Variants in SH3RF3 observed in about 807,000 individuals in gnomAD.
The protein encoded by SH3RF3 is SH3 domain containing ring finger 3.
A neutral mutation model predicts 66.3 loss-of-function variants in SH3RF3; 29 were observed. The observed-to-expected ratio is 0.44, with a 90% CI of 0.33 to 0.60. The LOEUF (loss-of-function observed/expected upper bound fraction) is 0.60, where lower values mean the gene tolerates loss of function less well. Ranked by LOEUF, SH3RF3 falls within the 20% of genes least tolerant of loss-of-function variation. The probability of loss-of-function intolerance (pLI) is 0.04; values close to 1 mark genes in which losing one functional copy is unlikely to be tolerated. For synonymous variants in SH3RF3, 583 were observed against 532.0 expected, an observed-to-expected ratio of 1.10 and a Z score of -1.32; for missense variants, 1,194 against 1,190.9, an observed-to-expected ratio of 1.00 and a Z score of -0.04.
Position 109,504,209 on chromosome 2 carries a change from C to T in SH3RF3, c.*2538C>T, listed in dbSNP as rs956201886. ...GTTTGGCGGTTAAGATGAAACTAAC[C>T]CTTATGTTTCATCCTGGCCCCATGA... On this transcript the variant is annotated 3_prime_UTR_variant, in exon 10 of 10. Transcript: ENST00000309415. 6.6e-6 allele frequency: 1 copy of T among 152,216 alleles called. No individual in the cohort carries two copies. Among genetic ancestry groups the T allele is most frequent in the Non-Finnish European group, 1.5e-5 (1 of 68,044 alleles). The allele number at this position is 152,216 out of a possible 1,614,324, so 9.4% of individuals were successfully genotyped here.
chr2:109,445,784 C>G (rs13411394), intron 7 of SH3RF3, among the ~76,000 whole-genome samples: 2,455 of 152,066 alleles, frequency 0.016, 64 homozygotes, highest in African/African-American at 0.056. Context: ...TGTGGGAGTT[C>G]CATTTCATCC....
At chr2:109,481,011 C>T (rs1258460998) in intron 8 of SH3RF3, among the ~76,000 whole-genome samples, 1 of 152,202 alleles carries the variant, frequency 6.6e-6, no homozygotes, top group East Asian at 1.9e-4. Context: ...CAAGCTGTGT[C>T]ATTGCTTCAG....
At chr2:109,372,815 T>C (rs974609948) in intron 3 of SH3RF3, among the ~76,000 whole-genome samples, 1 of 152,212 alleles carries the variant, frequency 6.6e-6, no homozygotes, top group Non-Finnish European at 1.5e-5. Context: ...CTTAAGGGCT[T>C]CAGAGTTGGC....
chr2:109,493,649 A>G (rs1331154146), intron 9 of SH3RF3, among the ~76,000 whole-genome samples: 1 of 151,454 alleles, frequency 6.6e-6, no homozygotes, highest in African/African-American at 2.4e-5. Context: ...AACACACACC[A>G]TACACACACA....
At chr2:109,142,897 A>T (rs1458693250) in intron 1 of SH3RF3, among the ~76,000 whole-genome samples, 1 of 152,154 alleles carries the variant, frequency 6.6e-6, no homozygotes. Flanking sequence ...ATTGTCAAGG[A>T]TGTCGGCTTT....
chr2:109,320,859 A>T (rs951787112), intron 1 of SH3RF3, among the ~76,000 whole-genome samples: 2 of 152,238 alleles, frequency 1.3e-5, no homozygotes, highest in African/African-American at 4.8e-5. Context: ...CACCAGACCA[A>T]GATTCAAATC....
intron 1 of SH3RF3, among the ~76,000 whole-genome samples, chr2:109,314,570 C>T (rs1424525863): frequency 6.6e-6 from 1 of 152,154 alleles, no homozygotes; most frequent in Non-Finnish European, 1.5e-5. Context: ...TTATTCCTGC[C>T]ACTTCATAAA....
intron 1 of SH3RF3, among the ~76,000 whole-genome samples, chr2:109,236,191 T>C (rs1284003050): frequency 3.3e-5 from 5 of 152,246 alleles, no homozygotes; most frequent in Non-Finnish European, 7.3e-5. Flanking sequence ...GAAAACTTTC[T>C]GGAAGTGAAA....
chr2:109,409,374 C>T (rs2104479088), intron 4 of SH3RF3, among the ~76,000 whole-genome samples: 1 of 152,322 alleles, frequency 6.6e-6, no homozygotes, highest in South Asian at 2.1e-4. Context: ...CTCAGCTCCA[C>T]CCTGCAGTAT....
At chr2:109,429,819 G>A (rs748739818) in intron 5 of SH3RF3, among the ~76,000 whole-genome samples, 23 of 152,212 alleles carry the variant, frequency 1.5e-4, no homozygotes, top group Admixed American at 3.3e-4. Flanking sequence ...AGGGCCACCC[G>A]AGCAGAGGTA....
At chr2:109,348,079 C>T (rs1682758530) in intron 2 of SH3RF3, 130 bp downstream of exon 2, 3 of 1,285,478 alleles carry the variant, frequency 2.3e-6, no homozygotes, top group African/African-American at 1.5e-5. Flanking sequence ...TCCCGGAACC[C>T]TGGGCAAATG....
At chr2:109,340,277 C>T (rs1442761721) in intron 1 of SH3RF3, among the ~76,000 whole-genome samples, 1 of 152,116 alleles carries the variant, frequency 6.6e-6, no homozygotes, top group Non-Finnish European at 1.5e-5. Context: ...TAAGGCCAAG[C>T]TCACAGGGTT....
chr2:109,365,847 T>C (rs1683143056), intron 2 of SH3RF3, among the ~76,000 whole-genome samples: 1 of 152,266 alleles, frequency 6.6e-6, no homozygotes, highest in Admixed American at 6.5e-5. Flanking sequence ...CCTTTCACTG[T>C]TAAATTGCCT....
Position 109,437,003 on chromosome 2 carries a change from T to G in SH3RF3, c.1685T>G (p.Leu562Arg). Residue 562 changes from leucine (L) to arginine (R), a missense_variant, in exon 7 of 10, where the codon CTG becomes CGG. By Grantham distance (102) the Leu-to-Arg change is moderately radical. Transcript: ENST00000309415. ...MHPGSGSLSS[L>R]ATATRPALPI... is the part of the protein sequence containing the mutation. ...CCAGGCAGTGGGAGTCTGAGCAGCC[T>G]GGCCACTGCCACCAGGCCCGCCCTG... 6.2e-7 allele frequency: 1 copy of G among 1,613,874 alleles called. No homozygotes were observed. The highest frequency in any genetic ancestry group is 1.3e-5 in the African/African-American group (1 of 75,066).
intron 3 of SH3RF3, among the ~76,000 whole-genome samples, chr2:109,387,207 G>T (rs1675845681): frequency 6.6e-6 from 1 of 152,056 alleles, no homozygotes. Context: ...TTTCTGCCTG[G>T]CTTTTCTCAT....
chr2:109,271,557 G>A (rs576235977), intron 1 of SH3RF3, among the ~76,000 whole-genome samples: 12 of 152,354 alleles, frequency 7.9e-5, no homozygotes, highest in African/African-American at 2.6e-4. Context: ...ACTCAAGATA[G>A]TCAAGTTGTA....
chr2:109,280,384 C>G (rs1226087347), intron 1 of SH3RF3, among the ~76,000 whole-genome samples: 2 of 152,126 alleles, frequency 1.3e-5, no homozygotes, highest in Non-Finnish European at 2.9e-5. Flanking sequence ...CAGCAGCATC[C>G]CACCTGAGTG....
intron 1 of SH3RF3, among the ~76,000 whole-genome samples, chr2:109,265,677 T>A (rs1000718896): frequency 4.6e-5 from 7 of 152,244 alleles, no homozygotes; most frequent in African/African-American, 1.7e-4. Flanking sequence ...TTGGGTTGAA[T>A]TTATAGCCAC....
At chr2:109,256,405 C>A (rs376949256) in intron 1 of SH3RF3, among the ~76,000 whole-genome samples, 2 of 152,156 alleles carry the variant, frequency 1.3e-5, no homozygotes, top group African/African-American at 4.8e-5. Context: ...GATGTCCTCC[C>A]CTGCAAGGAA....
Sources: gnomAD v4.1 joint callset for allele counts (sites outside exome capture counted in the v4.1 genomes callset) on GRCh38, gnomAD v4.1.1 for gene constraint, MANE v1.5 for transcripts, NCBI Gene and HGNC (gene_info 2026-07-23, HGNC 2026-07-21) for gene names.